COPA: variants seen among roughly 807,000 people sequenced by gnomAD.
The protein encoded by COPA is coatomer subunit alpha.
In COPA, 10 loss-of-function variants were observed where a neutral mutation model predicts 158.7. The ratio of observed to expected loss-of-function variants is 0.06; its 90% CI spans 0.04 to 0.11. The LOEUF (loss-of-function observed/expected upper bound fraction) is 0.11, where lower values mean the gene tolerates loss of function less well. Among genes scored for constraint, COPA ranks in the 10% least tolerant of loss-of-function variants. COPA has a pLI of 1.00. For missense variants in COPA, 1,065 were observed against 1,536.7 expected (o/e 0.69, Z 5.13); for synonymous variants, 462 against 542.8 (o/e 0.85, Z 2.07).
chr1:160,320,608 C>CAAAAAAAAA (rs56849348), intron 8 of COPA, among the ~76,000 whole-genome samples: 10 of 15,496 alleles, frequency 6.5e-4, no homozygotes, highest in Admixed American at 2.0e-3. Flanking sequence ...GACTCCAACT[C>CAAAAAAAAA]AAAAAAAAAA....
chr1:160,294,312 G>A (rs1658332237), intron 25 of COPA, among the ~76,000 whole-genome samples, 172 bp downstream of exon 25: 1 of 152,162 alleles, frequency 6.6e-6, no homozygotes, highest in Non-Finnish European at 1.5e-5. Flanking sequence ...CTTTCAAATG[G>A]GAGATAAGCA....
chr1:160,325,353 C>A lies in COPA; in HGVS notation c.606+190G>T, dbSNP rs1028555519. ...GGGTTTATAAGGTAATAAGACTCTC[C>A]CTCAGGTGGCACATAAGCTTCATTT... is the stretch of plus-strand genomic sequence containing the variant. On this transcript the variant is annotated intron_variant, in intron 7 of 32. Transcript: ENST00000241704. Among the ~76,000 whole-genome samples the A allele has an allele frequency of 5.3e-4, 80 of 152,138 alleles. No homozygotes were observed. The highest frequency in any genetic ancestry group is 1.8e-3 in the African/African-American group (75 of 41,418).
rs766102154 is a variant in COPA, at chr1:160,298,980, C to T, written c.1842G>A (p.Met614Ile). 9.3e-6 allele frequency: 15 copies of T among 1,614,084 alleles called. No homozygotes were observed. The highest frequency in any genetic ancestry group is 1.3e-5 in the Non-Finnish European group (15 of 1,180,006). Reference sequence around the variant, plus strand: ...GGCCAACTAGTTTGGCATTCCTCACCATGTGCAGTACCTAGACATTTGGGG... The same window carrying T: ...GGCCAACTAGTTTGGCATTCCTCACTATGTGCAGTACCTAGACATTTGGGG... ...INRKYDEVLH[M>I]VRNAKLVGQS... Residue 614 changes from methionine to isoleucine, a missense_variant, in exon 19 of 33, where the codon ATG becomes ATA. By Grantham distance (10) the Met-to-Ile change is conservative. Transcript: ENST00000241704.
At chr1:160,305,839 A>C in intron 15 of COPA, 66 bp from the exon 16 acceptor site, 1 of 1,287,286 alleles carries the variant, frequency 7.8e-7, no homozygotes, top group Middle Eastern at 2.6e-4. Context: ...TTTGATCTAC[A>C]TCAATTGCAC....
In COPA at chr1:160,307,111, G is replaced by A. The variant is rs1658813484; in HGVS notation, c.1302+52C>T. 3.2e-6 allele frequency: 5 copies of A among 1,548,402 alleles called. No homozygotes were observed. The Admixed American group carries it at 5.0e-5, about 16-fold the overall frequency. Reference sequence around the variant, plus strand: ...ATGGTCTTTATTTTGCAATACACAGGCCACTGCCACCACACTCCCCAAATT... The same window carrying A: ...ATGGTCTTTATTTTGCAATACACAGACCACTGCCACCACACTCCCCAAATT... On this transcript the variant is annotated intron_variant, in intron 14 of 32. Transcript: ENST00000241704.
Position 160,314,183 on chromosome 1 carries a change from T to C in COPA, c.707-58A>G, listed in dbSNP as rs965415846. 1.7e-5 allele frequency: 27 copies of C among 1,545,884 alleles called. No individual in the cohort carries two copies. The Middle Eastern group carries it at 5.2e-4, about 30-fold the overall frequency. ...TCCCTACTACTATAACTTTAGGATT[T>C]GGAGATATGACATCCTCTTCATCAA... is the stretch of plus-strand genomic sequence containing the variant. On this transcript the variant is annotated intron_variant, in intron 8 of 32. Transcript: ENST00000241704.
In COPA at chr1:160,311,976, C is replaced by T. The variant is rs778654265; in HGVS notation, c.968G>A (p.Arg323Gln). 5.0e-6 allele frequency: 8 copies of T among 1,613,888 alleles called. No individual in the cohort carries two copies. Among genetic ancestry groups the T allele is most frequent in the South Asian group, 4.4e-5 (4 of 91,060 alleles). Reference protein sequence around the residue: ...GMIVFKLERERPAYAVHGNML... With the variant: ...GMIVFKLEREQPAYAVHGNML... The stretch of plus-strand genomic sequence containing the variant: ...ATTGCCATGAACAGCATAGGCTGGC[C>T]GTTCCCGTTCCAGCTTAAACACAAT... Residue 323 changes from arginine to glutamine, a missense_variant, in exon 11 of 33, where the codon CGG becomes CAG. Physicochemically the swap from Arg to Gln is conservative, Grantham distance 43. Coordinates refer to ENST00000241704, the MANE Select transcript of COPA (RefSeq NM_004371.4).
At chr1:160,319,222 G>A (rs190713056) in intron 8 of COPA, among the ~76,000 whole-genome samples, 6 of 152,126 alleles carry the variant, frequency 3.9e-5, no homozygotes, top group African/African-American at 1.4e-4. Context: ...CCAGAAAAGA[G>A]CAGGCGTAGC....
In COPA at chr1:160,291,928, G is replaced by T. The variant is rs776431514; in HGVS notation, c.3149C>A (p.Ala1050Asp). 6.2e-7 allele frequency: 1 copy of T among 1,614,070 alleles called. No homozygotes were observed. The highest frequency in any genetic ancestry group is 1.7e-5 in the Admixed American group (1 of 60,006). ...VVDNKQEIAE[A>D]QQLITICREY... ...ACGGCAAATGGTGATGAGCTGCTGG[G>T]CCTGTAGAGGGGGCAGAAGGTCAGG... The change falls in exon 30 of 33, where the codon GCC becomes GAC. Residue 1050 changes from alanine to aspartate, a missense_variant and splice_region_variant. Physicochemically the swap from Ala to Asp is moderately radical, Grantham distance 126. This residue lies in a region of COPA where 980 missense variants were observed against 1,357.8 expected (regional missense o/e 0.72). Coordinates refer to ENST00000241704, the MANE Select transcript of COPA (RefSeq NM_004371.4).
intron 26 of COPA, 72 bp from the exon 27 acceptor site, chr1:160,293,306 A>G (rs1658300084): frequency 1.2e-6 from 2 of 1,611,312 alleles, no homozygotes; most frequent in Non-Finnish European, 1.7e-6. Context: ...TAACTATAGT[A>G]GAAAAGTAGC....
intron 3 of COPA, among the ~76,000 whole-genome samples, chr1:160,337,676 G>A (rs912670205): frequency 7.9e-5 from 12 of 151,862 alleles, no homozygotes; most frequent in Non-Finnish European, 1.3e-4. Flanking sequence ...CCGAGATCAC[G>A]CCACTGCACT....
At chr1:160,343,084 C>T (rs369700793) in intron 1 of COPA, 47 bp downstream of exon 1, 1 of 1,612,608 alleles carries the variant, frequency 6.2e-7, no homozygotes, top group Non-Finnish European at 8.5e-7. Flanking sequence ...GTGTCAGCGC[C>T]GCTCCTGACA....
intron 10 of COPA, 63 bp downstream of exon 10, chr1:160,313,022 A>C: frequency 7.0e-7 from 1 of 1,437,210 alleles, no homozygotes; most frequent in Non-Finnish European, 9.7e-7. Flanking sequence ...AAAGCTAATA[A>C]TCACTTTCAA....
intron 13 of COPA, 84 bp downstream of exon 13, chr1:160,309,017 T>C: frequency 2.8e-6 from 3 of 1,089,046 alleles, no homozygotes; most frequent in South Asian, 2.6e-5. Context: ...GGCTTGGGGA[T>C]GGAATGTGAA....
At chr1:160,301,051 G>C (rs1230286529) in intron 17 of COPA, among the ~76,000 whole-genome samples, 1 of 152,100 alleles carries the variant, frequency 6.6e-6, no homozygotes, top group Non-Finnish European at 1.5e-5. Context: ...CCGGGAGGTG[G>C]AGGTTGCAGT....
chr1:160,341,215 A>G (rs1437805776), intron 1 of COPA, among the ~76,000 whole-genome samples: 1 of 152,230 alleles, frequency 6.6e-6, no homozygotes, highest in Non-Finnish European at 1.5e-5. Context: ...TTTGAAGTGT[A>G]TCCTTTCAGA....
At chr1:160,333,062 T>C (rs12127691) in intron 5 of COPA, among the ~76,000 whole-genome samples, 2,053 of 152,336 alleles carry the variant, frequency 0.013, 27 homozygotes, top group Non-Finnish European at 0.02. Context: ...TAGCTGGGAC[T>C]ATAGGCACAC....
At position 160,291,992 on chromosome 1, in the gene COPA, C is replaced by G. The variant is rs1658252734; in HGVS notation, c.3147+20G>C. On this transcript the variant is annotated intron_variant, in intron 29 of 32. Transcript: ENST00000241704. Reference sequence around the variant, plus strand: ...AATGTGGAAGTGCCCAGAACTGGGACAGCGGCTAGACCCTCCTACCTCTGC... The same window carrying G: ...AATGTGGAAGTGCCCAGAACTGGGAGAGCGGCTAGACCCTCCTACCTCTGC... The G allele has an allele frequency of 6.2e-7, 1 of 1,614,136 alleles. No individual in the cohort carries two copies. The highest frequency in any genetic ancestry group is 1.3e-5 in the African/African-American group (1 of 75,060).
intron 5 of COPA, chr1:160,333,359 G>A: frequency 2.6e-6 from 1 of 390,044 alleles, no homozygotes; most frequent in Non-Finnish European, 4.6e-6. Flanking sequence ...CCAGCTAAAA[G>A]TTCTTGTTCT....
Sources: allele counts gnomAD v4.1 joint callset (sites outside exome capture counted in the v4.1 genomes callset), GRCh38; gene constraint gnomAD v4.1.1; regional missense constraint gnomAD v4.1.1; transcripts MANE v1.5; gene names NCBI Gene and HGNC (gene_info 2026-07-23, HGNC 2026-07-21).